The following CCSER1 variants were observed in gnomAD, a reference collection of about 807,000 sequenced individuals.
CCSER1 encodes serine-rich coiled-coil domain-containing protein 1.
In CCSER1, 41 loss-of-function variants were observed where a neutral mutation model predicts 82.0. The ratio of observed to expected loss-of-function variants is 0.50; its 90% confidence interval spans 0.39 to 0.65. The LOEUF is 0.65. Among genes scored for constraint, CCSER1 ranks in the 30% least tolerant of loss-of-function variants. CCSER1 has a pLI of 0.00. For synonymous variants in CCSER1, 414 were observed against 383.9 expected, an observed-to-expected ratio of 1.08 and a Z score of -0.92; for missense variants, 1,119 against 1,064.2, an observed-to-expected ratio of 1.05 and a Z score of -0.72.
intron 10 of CCSER1, among the ~76,000 whole-genome samples, chr4:91,088,155 C>T (rs1215093336): frequency 2.0e-5 from 3 of 151,882 alleles, no homozygotes; most frequent in Non-Finnish European, 4.4e-5. Context: ...AACTCTTACT[C>T]CAAATGATTT....
intron 10 of CCSER1, among the ~76,000 whole-genome samples, chr4:91,449,707 A>G (rs1437549258): frequency 6.6e-6 from 1 of 152,004 alleles, no homozygotes; most frequent in East Asian, 1.9e-4. Context: ...TATTTATTTA[A>G]ATTAATTATT....
At chr4:90,766,720 C>T (rs1255655477) in intron 7 of CCSER1, among the ~76,000 whole-genome samples, 1 of 152,120 alleles carries the variant, frequency 6.6e-6, no homozygotes, top group Non-Finnish European at 1.5e-5. Flanking sequence ...TTTATTCACA[C>T]ACATAATTTA....
intron 8 of CCSER1, among the ~76,000 whole-genome samples, chr4:90,853,888 A>C (rs1007045642): frequency 6.6e-6 from 1 of 152,262 alleles, no homozygotes; most frequent in African/African-American, 2.4e-5. Context: ...GTGTAACAAT[A>C]AACCATGGGA....
intron 7 of CCSER1, chr4:90,725,023 A>C: frequency 2.3e-6 from 1 of 441,020 alleles, no homozygotes; most frequent in African/African-American, 2.0e-5. Flanking sequence ...TATTTGTTAG[A>C]AGGCCCTTTC....
chr4:91,020,513 T>G (rs929279052), intron 9 of CCSER1, among the ~76,000 whole-genome samples: 2 of 151,944 alleles, frequency 1.3e-5, no homozygotes, highest in Non-Finnish European at 2.9e-5. Flanking sequence ...ATACAAAAAA[T>G]TAGCCGGGTG....
At chr4:90,258,451 G>T (rs1723739425) in intron 1 of CCSER1, among the ~76,000 whole-genome samples, 1 of 152,196 alleles carries the variant, frequency 6.6e-6, no homozygotes, top group Non-Finnish European at 1.5e-5. Context: ...GGCAGAGGTT[G>T]CAGTGAGCTG....
intron 10 of CCSER1, among the ~76,000 whole-genome samples, chr4:91,141,505 C>T (rs767915062): frequency 1.3e-5 from 2 of 152,142 alleles, no homozygotes; most frequent in Non-Finnish European, 2.9e-5. Flanking sequence ...ATATGTACCA[C>T]ATTTTCTTTA....
chr4:90,656,135 G>A (rs2149071566), intron 6 of CCSER1, among the ~76,000 whole-genome samples: 1 of 151,854 alleles, frequency 6.6e-6, no homozygotes, highest in Admixed American at 6.6e-5. Flanking sequence ...CTTTTTAAAA[G>A]TTTTTAAAAA....
At chr4:90,155,976 T>G (rs574448085) in intron 1 of CCSER1, among the ~76,000 whole-genome samples, 1 of 152,224 alleles carries the variant, frequency 6.6e-6, no homozygotes, top group African/African-American at 2.4e-5. Flanking sequence ...GGGTGTCAAT[T>G]TTGGATCTTT....
intron 10 of CCSER1, among the ~76,000 whole-genome samples, chr4:91,377,908 T>C (rs1436257600): frequency 2.0e-5 from 3 of 152,356 alleles, no homozygotes; most frequent in South Asian, 4.1e-4. Context: ...CTTTAATCCA[T>C]CTTGAATTAA....
intron 3 of CCSER1, among the ~76,000 whole-genome samples, chr4:90,318,862 GAC>G (rs1736615454): frequency 6.6e-6 from 1 of 152,182 alleles, no homozygotes; most frequent in Non-Finnish European, 1.5e-5. Flanking sequence ...AGATGAAAGA[GAC>G]AGTGCTTGAG....
intron 10 of CCSER1, among the ~76,000 whole-genome samples, chr4:91,315,202 G>A (rs1424201910): frequency 6.6e-6 from 1 of 151,232 alleles, no homozygotes; most frequent in Non-Finnish European, 1.5e-5. Context: ...TATTCTTCTG[G>A]CCTCTCAGGA....
chr4:91,296,131 T>C (rs1309408577), intron 10 of CCSER1, among the ~76,000 whole-genome samples: 2 of 151,792 alleles, frequency 1.3e-5, no homozygotes, highest in African/African-American at 4.8e-5. Context: ...TATAATGCCT[T>C]TCTAAAACAA....
At chr4:91,114,674 G>A (rs563443929) in intron 10 of CCSER1, among the ~76,000 whole-genome samples, 73 of 152,286 alleles carry the variant, frequency 4.8e-4, no homozygotes, top group Non-Finnish European at 9.0e-4. Flanking sequence ...TTATACAAAT[G>A]AAAGAAAGAT....
intron 10 of CCSER1, among the ~76,000 whole-genome samples, chr4:91,199,787 C>T (rs62310734): frequency 0.054 from 8,233 of 151,746 alleles, 443 homozygotes; most frequent in African/African-American, 0.14. Context: ...AGAAATCTAT[C>T]TTATTTGAAA....
chr4:90,998,725 T>C (rs1015792656), intron 9 of CCSER1, among the ~76,000 whole-genome samples: 3 of 54,830 alleles, frequency 5.5e-5, no homozygotes, highest in African/African-American at 1.8e-4. Flanking sequence ...ATTACACAGT[T>C]TTTTTTTTTT....
At chr4:90,359,036 C>T (rs536475926) in intron 3 of CCSER1, among the ~76,000 whole-genome samples, 238 of 152,126 alleles carry the variant, frequency 1.6e-3, no homozygotes, top group African/African-American at 5.5e-3. Context: ...ATCATGTATC[C>T]AACTGCCAAA....
At chr4:90,516,509 A>G (rs1012233236) in intron 5 of CCSER1, among the ~76,000 whole-genome samples, 1 of 152,088 alleles carries the variant, frequency 6.6e-6, no homozygotes, top group African/African-American at 2.4e-5. Flanking sequence ...TGAGAGCCTT[A>G]TGAATCTCTT....
Position 91,101,579 on chromosome 4 carries a change from G to T in CCSER1, c.2217+15585G>T, listed in dbSNP as rs554521851. Among the ~76,000 whole-genome samples, 327 of 151,436 alleles carry T rather than the reference G, an allele frequency of 2.2e-3. 2 individuals carry two copies. Among genetic ancestry groups the T allele is most frequent in the Admixed American group, 4.1e-3 (63 of 15,236 alleles). ...GAACTCGGGAGGCGGAGGTTGCAGT[G>T]AGCTGAGATCGTGCCACTGCACTCC... On this transcript the variant is annotated intron_variant, in intron 10 of 10. Transcript: ENST00000509176.
Sources: allele counts gnomAD v4.1 joint callset (sites outside exome capture counted in the v4.1 genomes callset), GRCh38; gene constraint gnomAD v4.1.1; transcripts MANE v1.5; gene names NCBI Gene and HGNC (gene_info 2026-07-23, HGNC 2026-07-21).